RPS6KA2: variants seen among roughly 807,000 people sequenced by gnomAD.
The protein encoded by RPS6KA2 is ribosomal protein S6 kinase alpha-2.
Under a neutral mutation model 91.8 loss-of-function variants are expected in RPS6KA2, and 42 were observed. The ratio of observed to expected loss-of-function variants is 0.46; its 90% CI spans 0.36 to 0.59. The LOEUF (loss-of-function observed/expected upper bound fraction) is 0.59. Ranked by LOEUF, RPS6KA2 falls within the 20% of genes least tolerant of loss-of-function variation. RPS6KA2 has a pLI of 0.00. For synonymous variants in RPS6KA2, 414 were observed against 393.6 expected, an observed-to-expected ratio of 1.05 and a Z score of -0.61; for missense variants, 798 against 978.5, an observed-to-expected ratio of 0.82 and a Z score of 2.46.
intron 1 of RPS6KA2, among the ~76,000 whole-genome samples, chr6:166,543,901 C>T (rs1783739900): frequency 6.6e-6 from 1 of 152,186 alleles, no homozygotes; most frequent in South Asian, 2.1e-4. Context: ...GGCTTTTTCT[C>T]ACATTGGGAT....
intron 5 of RPS6KA2, among the ~76,000 whole-genome samples, chr6:166,507,882 A>AC (rs200627371): frequency 1.2e-4 from 15 of 125,832 alleles, no homozygotes; most frequent in African/African-American, 3.7e-4. Context: ...CACCACGCAC[A>AC]CCCCCCCACA....
intron 2 of RPS6KA2, among the ~76,000 whole-genome samples, chr6:166,796,460 G>C (rs1247724144): frequency 6.6e-6 from 1 of 152,078 alleles, no homozygotes; most frequent in Admixed American, 6.5e-5. Context: ...GTGGTGGCAC[G>C]CACCTGTAAT....
chr6:166,717,335 GC>G (rs1025043699), intron 2 of RPS6KA2, among the ~76,000 whole-genome samples: 2 of 152,176 alleles, frequency 1.3e-5, no homozygotes, highest in African/African-American at 4.8e-5. Context: ...GCCCAGGTGC[GC>G]TGTAGGAGAT....
At position 166,682,968 on chromosome 6, in the gene RPS6KA2, G is replaced by A. The variant is rs1324926189; in HGVS notation, c.124-144184C>T. On this transcript the variant is annotated intron_variant, in intron 2 of 21. Coordinates refer to the RPS6KA2 transcript ENST00000503859. ...TTGAAGGCATGAATGAAGTAGGTAA[G>A]TGAAGGCATGAATGAAGAAATGCAA... 2.6e-5 allele frequency among the ~76,000 whole-genome samples: 4 copies of A among 152,340 alleles called. No individual in the cohort carries two copies. In the East Asian group the frequency reaches 7.7e-4, roughly 29 times the overall value.
At chr6:166,798,595 A>G (rs1286512369) in intron 2 of RPS6KA2, among the ~76,000 whole-genome samples, 2 of 152,216 alleles carry the variant, frequency 1.3e-5, no homozygotes, top group Non-Finnish European at 2.9e-5. Flanking sequence ...TCTCCACCAC[A>G]GTGGTCTTCA....
chr6:166,545,977 C>T (rs1481284098), intron 1 of RPS6KA2, among the ~76,000 whole-genome samples: 5 of 152,142 alleles, frequency 3.3e-5, no homozygotes, highest in African/African-American at 1.2e-4. Context: ...TCGGTGTGCT[C>T]ATTCTGATAA....
chr6:166,747,309 G>A (rs923293145), intron 2 of RPS6KA2, among the ~76,000 whole-genome samples: 1 of 152,200 alleles, frequency 6.6e-6, no homozygotes, highest in African/African-American at 2.4e-5. Flanking sequence ...CCGATTCCAA[G>A]GGGTTCAGGA....
At chr6:166,568,621 G>GAAAAAAAAAAAAAA (rs60613942) in intron 1 of RPS6KA2, among the ~76,000 whole-genome samples, 3 of 45,532 alleles carry the variant, frequency 6.6e-5, no homozygotes, top group South Asian at 1.0e-3. Flanking sequence ...CTCCATCTCA[G>GAAAAAAAAAAAAAA]AAAAAAAAAA....
chr6:166,667,834 C>T (rs188560345), intron 2 of RPS6KA2, among the ~76,000 whole-genome samples: 2 of 152,246 alleles, frequency 1.3e-5, no homozygotes, highest in Non-Finnish European at 2.9e-5. Context: ...GAACCACAGC[C>T]CTTGGTGTCA....
chr6:166,610,885 T>C (rs929560934), intron 1 of RPS6KA2, among the ~76,000 whole-genome samples: 11 of 152,198 alleles, frequency 7.2e-5, no homozygotes, highest in Non-Finnish European at 1.3e-4. Context: ...TCAGTACTTA[T>C]TTCTGTCTTT....
chr6:166,710,407 T>C (rs1329719073), intron 2 of RPS6KA2, among the ~76,000 whole-genome samples: 1 of 152,124 alleles, frequency 6.6e-6, no homozygotes, highest in Non-Finnish European at 1.5e-5. Context: ...TTGTAAAATA[T>C]GTATATATGC....
At chr6:166,660,347 GGT>G (rs1464280307) in intron 2 of RPS6KA2, among the ~76,000 whole-genome samples, 4 of 122,794 alleles carry the variant, frequency 3.3e-5, no homozygotes, top group Admixed American at 2.3e-4. Flanking sequence ...TGTGCGGGTT[GGT>G]GTGTGCGTGC....
intron 8 of RPS6KA2, among the ~76,000 whole-genome samples, chr6:166,496,691 G>C (rs1781797762): frequency 6.6e-6 from 1 of 152,196 alleles, no homozygotes; most frequent in Admixed American, 6.5e-5. Flanking sequence ...ACTGCTGGAT[G>C]GGCCACTTGT....
chr6:166,851,292 C>T (rs118051809), intron 2 of RPS6KA2, among the ~76,000 whole-genome samples: 2,057 of 152,328 alleles, frequency 0.014, 19 homozygotes, highest in Non-Finnish European at 0.022. Flanking sequence ...CAAACTGGAT[C>T]TCATCGCCTT....
At chr6:166,502,102 C>T (rs1782048760) in intron 6 of RPS6KA2, among the ~76,000 whole-genome samples, 1 of 152,080 alleles carries the variant, frequency 6.6e-6, no homozygotes, top group South Asian at 2.1e-4. Context: ...TTTAGTTCTG[C>T]AAGATGAAAC....
chr6:166,754,219 G>A (rs2128600147), intron 2 of RPS6KA2, among the ~76,000 whole-genome samples: 1 of 152,360 alleles, frequency 6.6e-6, no homozygotes, highest in Admixed American at 6.5e-5. Context: ...ACAACTGACA[G>A]TGTTTTAAAA....
chr6:166,696,867 G>A (rs1178846356), intron 2 of RPS6KA2, among the ~76,000 whole-genome samples: 1 of 152,174 alleles, frequency 6.6e-6, no homozygotes, highest in Non-Finnish European at 1.5e-5. Context: ...CTCTTCCTGG[G>A]TTTTGAGCCT....
chr6:166,535,311 G>C (rs905017383), intron 2 of RPS6KA2, among the ~76,000 whole-genome samples: 5 of 152,142 alleles, frequency 3.3e-5, no homozygotes, highest in Non-Finnish European at 7.3e-5. Flanking sequence ...GAACTGGAGG[G>C]TTTCTATTGG....
chr6:166,795,587 G>C (rs1779202991), intron 2 of RPS6KA2, among the ~76,000 whole-genome samples: 1 of 152,182 alleles, frequency 6.6e-6, no homozygotes, highest in African/African-American at 2.4e-5. Context: ...TCCTTGTAAA[G>C]GGCAGGTAAT....
Sources: allele counts gnomAD v4.1 joint callset (sites outside exome capture counted in the v4.1 genomes callset), GRCh38; gene constraint gnomAD v4.1.1; transcripts MANE v1.5; gene names NCBI Gene and HGNC (gene_info 2026-07-23, HGNC 2026-07-21).